The following ROBO1 variants were observed in gnomAD, a reference collection of about 807,000 sequenced individuals.
ROBO1 encodes the protein roundabout guidance receptor 1.
ROBO1 carries 149 observed loss-of-function variants against 195.9 expected under a neutral mutation model. That is an observed-to-expected ratio of 0.76 (90% confidence interval 0.67 to 0.87). The LOEUF (loss-of-function observed/expected upper bound fraction) is 0.87, where lower values mean the gene tolerates loss of function less well. Ranked by LOEUF, ROBO1 falls within the 40% of genes least tolerant of loss-of-function variation. The pLI is 0.00. For synonymous variants in ROBO1, 816 were observed against 733.2 expected (o/e 1.11, Z -1.82); for missense variants, 1,933 against 2,068.3 (o/e 0.93, Z 1.27).
rs987034549 is a variant in ROBO1 at position 78,942,647 on chromosome 3, T to C, written c.173-3720A>G. Among the ~76,000 whole-genome samples the C allele has an allele frequency of 3.9e-5, 6 of 152,314 alleles. 1 individual carries two copies. In the East Asian group the frequency reaches 9.7e-4, roughly 25 times the overall value. On this transcript the variant is annotated intron_variant, in intron 3 of 30. Coordinates refer to ENST00000464233, the MANE Select transcript of ROBO1 (RefSeq NM_002941.4). ...ATAGCCAAACGGTACTGACAAGCTG[T>C]CAATTGTATATCCTTAAGTTTGACC...
intron 3 of ROBO1, among the ~76,000 whole-genome samples, chr3:79,067,975 G>A (rs968976611): frequency 1.3e-5 from 2 of 151,742 alleles, no homozygotes; most frequent in Non-Finnish European, 2.9e-5. Flanking sequence ...TTACCTAGTC[G>A]GACTCTCCCT....
At chr3:78,711,385 TCCTTCC>T (rs2081718779) in intron 8 of ROBO1, among the ~76,000 whole-genome samples, 1 of 44,312 alleles carries the variant, frequency 2.3e-5, no homozygotes, top group Non-Finnish European at 4.4e-5. Flanking sequence ...CTTCCTTCCT[TCCTTCC>T]TTCCTTCCTT....
chr3:79,246,971 TG>T (rs2082635559), intron 2 of ROBO1, among the ~76,000 whole-genome samples: 1 of 151,956 alleles, frequency 6.6e-6, no homozygotes, highest in South Asian at 2.1e-4. Context: ...ATGCCTGGCA[TG>T]AAGTAAGCAC....
At chr3:78,759,927 T>C (rs2083051130) in intron 4 of ROBO1, among the ~76,000 whole-genome samples, 1 of 152,154 alleles carries the variant, frequency 6.6e-6, no homozygotes, top group African/African-American at 2.4e-5. Context: ...AGGAATGATA[T>C]CTATGGAGAG....
At chr3:79,478,409 A>G (rs1460380374) in intron 2 of ROBO1, among the ~76,000 whole-genome samples, 2 of 143,552 alleles carry the variant, frequency 1.4e-5, no homozygotes, top group Admixed American at 1.4e-4. Flanking sequence ...CCCAAAAAAA[A>G]GACTTACATG....
At chr3:79,641,673 C>T (rs1397909258) in intron 1 of ROBO1, among the ~76,000 whole-genome samples, 2 of 107,858 alleles carry the variant, frequency 1.9e-5, no homozygotes, top group African/African-American at 7.5e-5. Flanking sequence ...ACCCAGTGAT[C>T]CAATATAACA....
chr3:79,548,916 G>C (rs1328430642), intron 2 of ROBO1, among the ~76,000 whole-genome samples: 1 of 152,108 alleles, frequency 6.6e-6, no homozygotes, highest in Non-Finnish European at 1.5e-5. Flanking sequence ...AGGAGAAAAG[G>C]CTTCCAAAAG....
chr3:78,818,722 G>T (rs564554969), intron 4 of ROBO1, among the ~76,000 whole-genome samples: 1 of 152,278 alleles, frequency 6.6e-6, no homozygotes, highest in African/African-American at 2.4e-5. Flanking sequence ...GCATTTGTTT[G>T]CAAGTTCCTC....
chr3:78,965,416 A>T (rs72910211), intron 3 of ROBO1, among the ~76,000 whole-genome samples: 22,682 of 151,962 alleles, frequency 0.15, 2,524 homozygotes, highest in African/African-American at 0.32. Flanking sequence ...CTTTTTTCAT[A>T]TCATCTTTAA....
rs149381157 is a variant in ROBO1 at position 79,110,248 on chromosome 3, AAAT to A, written c.172+15205_172+15207del. 2.3e-3 allele frequency among the ~76,000 whole-genome samples: 351 copies of A among 152,146 alleles called. 4 individuals are homozygous for A. The highest frequency in any genetic ancestry group is 8.1e-3 in the African/African-American group (335 of 41,524). Reference sequence around the variant, plus strand: ...AATTGGGCACATTTTACACTTTCAGAAATAATATTTATATAATACTATATAATA... The same window carrying A: ...AATTGGGCACATTTTACACTTTCAGAAATATTTATATAATACTATATAATA... On this transcript the variant is annotated intron_variant, in intron 3 of 30. Transcript: ENST00000464233.
intron 4 of ROBO1, among the ~76,000 whole-genome samples, chr3:78,823,694 A>G (rs1312045623): frequency 1.3e-5 from 2 of 152,120 alleles, no homozygotes; most frequent in African/African-American, 4.8e-5. Flanking sequence ...AAGCTTTTAA[A>G]CATTACCTAG....
intron 2 of ROBO1, among the ~76,000 whole-genome samples, chr3:79,391,815 T>G (rs2036960776): frequency 6.6e-6 from 1 of 152,144 alleles, no homozygotes; most frequent in Non-Finnish European, 1.5e-5. Flanking sequence ...TATTATATAT[T>G]CACATTGGTG....
rs139969629 is a variant in ROBO1 at position 79,403,345 on chromosome 3, T to A, written c.88+186479A>T. On this transcript the variant is annotated intron_variant, in intron 2 of 30. Transcript: ENST00000464233. ...TTAATGGAGAAAGTGTTAAACAAAT[T>A]CAAAGAAAAAAAGTGGCTACTTGGG... Among the ~76,000 whole-genome samples, 1,010 of 151,960 alleles carry A rather than the reference T, an allele frequency of 6.6e-3. 12 individuals carry two copies. The highest frequency in any genetic ancestry group is 7.6e-3 in the Non-Finnish European group (516 of 67,860).
chr3:79,584,610 A>AGTGTGTGTGT (rs143360306), intron 2 of ROBO1, among the ~76,000 whole-genome samples: 15 of 131,768 alleles, frequency 1.1e-4, no homozygotes, highest in African/African-American at 3.8e-4. Flanking sequence ...TAGGTGGGTG[A>AGTGTGTGTGT]GTGTGTGTGT....
At chr3:78,673,579 T>TAC (rs1708212148) in intron 10 of ROBO1, among the ~76,000 whole-genome samples, 2 of 51,312 alleles carry the variant, frequency 3.9e-5, no homozygotes, top group African/African-American at 6.9e-5. Flanking sequence ...TATATATATA[T>TAC]ATATATATAT....
At chr3:78,605,043 C>T (rs1703387441) in intron 29 of ROBO1, among the ~76,000 whole-genome samples, 1 of 152,216 alleles carries the variant, frequency 6.6e-6, no homozygotes. Flanking sequence ...TTGTGCTCAT[C>T]ACCTCCCTTC....
intron 1 of ROBO1, among the ~76,000 whole-genome samples, chr3:79,682,584 C>T (rs916251367): frequency 6.6e-6 from 1 of 151,956 alleles, no homozygotes; most frequent in African/African-American, 2.4e-5. Flanking sequence ...CTAATGTCTA[C>T]TTGTCAATTT....
intron 2 of ROBO1, among the ~76,000 whole-genome samples, chr3:79,188,761 T>C (rs1260629804): frequency 6.6e-6 from 1 of 151,800 alleles, no homozygotes; most frequent in African/African-American, 2.4e-5. Flanking sequence ...TTCTTTACTG[T>C]ATTCCTCAAA....
At chr3:78,792,858 G>T (rs1419851791) in intron 4 of ROBO1, among the ~76,000 whole-genome samples, 1 of 152,056 alleles carries the variant, frequency 6.6e-6, no homozygotes, top group Non-Finnish European at 1.5e-5. Flanking sequence ...ACAGCACTTT[G>T]GAAGGCGAAG....
Sources: gnomAD v4.1 joint callset for allele counts (sites outside exome capture counted in the v4.1 genomes callset) on GRCh38, gnomAD v4.1.1 for gene constraint, MANE v1.5 for transcripts, NCBI Gene and HGNC (gene_info 2026-07-23, HGNC 2026-07-21) for gene names.